RGS7: variants seen among roughly 807,000 people sequenced by gnomAD.
RGS7 encodes regulator of G protein signaling 7.
A neutral mutation model predicts 81.1 loss-of-function variants in RGS7; 27 were observed. The ratio of observed to expected loss-of-function variants is 0.33; its 90% CI spans 0.25 to 0.46. The LOEUF (loss-of-function observed/expected upper bound fraction) is 0.46, where lower values mean the gene tolerates loss of function less well. Among genes scored for constraint, RGS7 ranks in the 20% least tolerant of loss-of-function variants. RGS7 has a pLI of 1.00. For synonymous variants in RGS7, 208 were observed against 207.7 expected, an observed-to-expected ratio of 1.00 and a Z score of -0.01; for missense variants, 396 against 607.4, an observed-to-expected ratio of 0.65 and a Z score of 3.66.
At chr1:241,088,448 A>T (rs1435796331) in intron 3 of RGS7, among the ~76,000 whole-genome samples, 1 of 152,112 alleles carries the variant, frequency 6.6e-6, no homozygotes, top group East Asian at 1.9e-4. Context: ...TAAAAGCAGG[A>T]CATAGGTAAA....
chr1:241,044,906 A>C (rs1323328225), intron 3 of RGS7, among the ~76,000 whole-genome samples: 1 of 152,206 alleles, frequency 6.6e-6, no homozygotes, highest in Non-Finnish European at 1.5e-5. Flanking sequence ...ATTATAACTG[A>C]TTAATTGTTT....
rs1553331381 is a variant in RGS7, at chr1:240,868,122, G to GAAAGAA, written c.609+459_609+464dup. On this transcript the variant is annotated intron_variant, in intron 9 of 18. Transcript: ENST00000440928. This position sits in a 1 kb window ranked among gnomAD's most constrained non-coding sequence, Gnocchi z 5.1. ...GAAAAAGAAAGAAAAGAAAAGGAAAGAAAGAAAGAAAGAAAGAAAGAAAGA... is the reference window on the plus strand; with the variant it reads ...GAAAAAGAAAGAAAAGAAAAGGAAAGAAAGAAAAAGAAAGAAAGAAAGAAAGAAAGA... 1.0e-5 allele frequency among the ~76,000 whole-genome samples: 1 copy of GAAAGAA among 97,850 alleles called. No homozygotes were observed. Among genetic ancestry groups the GAAAGAA allele is most frequent in the Non-Finnish European group, 1.8e-5 (1 of 54,280 alleles). The allele number at this position is 97,850 out of a possible 152,430, so 64.2% of individuals were successfully genotyped here.
chr1:241,265,462 A>G (rs1441840189), intron 2 of RGS7, among the ~76,000 whole-genome samples: 1 of 152,206 alleles, frequency 6.6e-6, no homozygotes, highest in Non-Finnish European at 1.5e-5. Flanking sequence ...TTCTGTAGGC[A>G]GGTGGAGGAC....
chr1:241,243,198 C>T (rs902624473), intron 2 of RGS7, among the ~76,000 whole-genome samples: 1 of 152,182 alleles, frequency 6.6e-6, no homozygotes, highest in Non-Finnish European at 1.5e-5. Flanking sequence ...CATTTCATGT[C>T]ACATTGCATG....
Position 240,791,883 on chromosome 1 carries a change from G to T in RGS7, c.*6+8758C>A, listed in dbSNP as rs771824173. Among the ~76,000 whole-genome samples the T allele has an allele frequency of 1.1e-4, 17 of 152,232 alleles. 1 individual carries two copies. Among genetic ancestry groups the T allele is most frequent in the Middle Eastern group, 3.4e-3 (1 of 294 alleles). On this transcript the variant is annotated intron_variant, in intron 18 of 18. Transcript: ENST00000440928. The stretch of plus-strand genomic sequence containing the variant: ...AAATATTACCCTTTAGACCGTTGAT[G>T]GAATTCTGCTTAACTCTTTTTCATT...
At chr1:241,223,489 G>A (rs566667404) in intron 2 of RGS7, among the ~76,000 whole-genome samples, 1 of 152,116 alleles carries the variant, frequency 6.6e-6, no homozygotes, top group Admixed American at 6.5e-5. Flanking sequence ...ATTGTGTTCA[G>A]AGAGGAGCAA....
intron 2 of RGS7, among the ~76,000 whole-genome samples, chr1:241,341,481 G>A (rs148093855): frequency 2.0e-5 from 3 of 152,176 alleles, no homozygotes; most frequent in African/African-American, 7.2e-5. Flanking sequence ...AGTGTAAAAG[G>A]CTACAGGGAG....
intron 9 of RGS7, among the ~76,000 whole-genome samples, chr1:240,837,418 C>A (rs998799538): frequency 6.6e-6 from 1 of 152,220 alleles, no homozygotes; most frequent in Non-Finnish European, 1.5e-5. Context: ...AACATGTGTG[C>A]TCCAACTTGT....
intron 9 of RGS7, among the ~76,000 whole-genome samples, chr1:240,857,300 T>G (rs999741890): frequency 1.3e-5 from 2 of 152,108 alleles, no homozygotes; most frequent in African/African-American, 4.8e-5. Context: ...GTATGTCCCC[T>G]CATCCCACCC....
At position 241,010,741 on chromosome 1, in the gene RGS7, T is replaced by C. The variant is rs191349645; in HGVS notation, c.176-27612A>G. ...GTTAATGTCTTCTCAGCCAATGCACTAATTTCCTGCTGATCCTATCAATGG... is the reference window on the plus strand; with the variant it reads ...GTTAATGTCTTCTCAGCCAATGCACCAATTTCCTGCTGATCCTATCAATGG... On this transcript the variant is annotated intron_variant, in intron 3 of 18. Transcript: ENST00000440928. 2.0e-5 allele frequency among the ~76,000 whole-genome samples: 3 copies of C among 152,298 alleles called. No individual in the cohort carries two copies. The East Asian group carries it at 5.8e-4, about 29-fold the overall frequency.
At chr1:241,236,095 C>T (rs1431472947) in intron 2 of RGS7, among the ~76,000 whole-genome samples, 2 of 151,848 alleles carry the variant, frequency 1.3e-5, no homozygotes, top group Non-Finnish European at 2.9e-5. Flanking sequence ...GAAAGCCAAA[C>T]TTTTGAGAAT....
rs1208176508 is a variant in RGS7 at position 240,800,650 on chromosome 1, T to C, written c.1485A>G (p.Leu495=). The change falls in exon 18 of 19, where the codon TTA becomes TTG. Residue 495 remains leucine, a synonymous_variant. Coordinates refer to ENST00000440928, the MANE Select transcript of RGS7 (RefSeq NM_001364886.1). ...ACCAAGATTTTTCTACCTCTTTTCATAACAGGTTAGTGCTGGCCCTCAGTG... is the reference window on the plus strand; with the variant it reads ...ACCAAGATTTTTCTACCTCTTTTCACAACAGGTTAGTGCTGGCCCTCAGTG... ...TPTLRASTNL[L] 1 of 1,543,232 alleles carries C rather than the reference T, an allele frequency of 6.5e-7. No homozygotes were observed. Among genetic ancestry groups the C allele is most frequent in the Admixed American group, 2.0e-5 (1 of 50,560 alleles).
intron 4 of RGS7, among the ~76,000 whole-genome samples, chr1:240,978,091 C>T (rs1478254): frequency 0.43 from 65,986 of 152,030 alleles, 15,733 homozygotes; most frequent in East Asian, 0.72. Context: ...TGCAAATTTA[C>T]ATTAACCAGA....
intron 2 of RGS7, among the ~76,000 whole-genome samples, chr1:241,214,177 T>A (rs2074416583): frequency 6.6e-6 from 1 of 152,226 alleles, no homozygotes; most frequent in African/African-American, 2.4e-5. Context: ...GACCCCCTCC[T>A]TGAGCATTTC....
At chr1:241,004,824 T>C (rs983173583) in intron 3 of RGS7, among the ~76,000 whole-genome samples, 1 of 152,182 alleles carries the variant, frequency 6.6e-6, no homozygotes, top group Non-Finnish European at 1.5e-5. Context: ...AGATAACTTC[T>C]TTATGACTAC....
chr1:241,278,911 TCTC>T (rs1230617808), intron 2 of RGS7, among the ~76,000 whole-genome samples: 1 of 152,184 alleles, frequency 6.6e-6, no homozygotes, highest in East Asian at 1.9e-4. Flanking sequence ...CTGTTTCTAA[TCTC>T]CTTATTTTCT....
At chr1:241,277,916 G>T (rs1402813109) in intron 2 of RGS7, among the ~76,000 whole-genome samples, 1 of 152,124 alleles carries the variant, frequency 6.6e-6, no homozygotes, top group Non-Finnish European at 1.5e-5. Context: ...TGCATCTTTA[G>T]TTTTTCTCCA....
rs567219019 is a variant in RGS7, at chr1:241,115,904, G to A, written c.79-17142C>T. On this transcript the variant is annotated intron_variant, in intron 2 of 18. Coordinates refer to ENST00000440928, the MANE Select transcript of RGS7 (RefSeq NM_001364886.1). ...GCCTGGTGGGAGGTGATTGGATCAT[G>A]GGAAGGGATTTCCCCCTTGCTGTTC... Among the ~76,000 whole-genome samples, 13 of 152,248 alleles carry A rather than the reference G, an allele frequency of 8.5e-5. No individual in the cohort carries two copies. The South Asian group carries it at 1.9e-3, about 22-fold the overall frequency.
chr1:240,977,233 A>G (rs1302307029), intron 4 of RGS7, among the ~76,000 whole-genome samples: 1 of 151,886 alleles, frequency 6.6e-6, no homozygotes, highest in Admixed American at 6.6e-5. Flanking sequence ...CTTCCTTCCA[A>G]TCCCCCTGCC....
Sources: gnomAD v4.1 joint callset for allele counts (sites outside exome capture counted in the v4.1 genomes callset) on GRCh38, gnomAD v4.1.1 for gene constraint, Gnocchi (gnomAD v3.1) non-coding constraint, MANE v1.5 for transcripts, NCBI Gene and HGNC (gene_info 2026-07-23, HGNC 2026-07-21) for gene names.